Variants in KIF26B observed in about 807,000 individuals in gnomAD.
KIF26B encodes the protein kinesin-like protein KIF26B.
In KIF26B, 63 loss-of-function variants were observed where a neutral mutation model predicts 151.2. The observed-to-expected ratio is 0.42, with a 90% CI of 0.34 to 0.51. The LOEUF is 0.51. Among genes scored for constraint, KIF26B ranks in the 20% least tolerant of loss-of-function variants. KIF26B has a pLI of 0.07. For synonymous variants in KIF26B, 1,357 were observed against 1,262.1 expected (o/e 1.08, Z -1.59); for missense variants, 2,813 against 2,913.6 (o/e 0.97, Z 0.79).
At chr1:245,513,784 G>A (rs1421135259) in intron 4 of KIF26B, among the ~76,000 whole-genome samples, 1 of 152,208 alleles carries the variant, frequency 6.6e-6, no homozygotes, top group African/African-American at 2.4e-5. Flanking sequence ...CCTTGCTCAC[G>A]TTTCTTACTA....
In KIF26B at chr1:245,698,811, G is replaced by GA. The variant is rs2044729497; in HGVS notation, c.6028-75dup. The GA allele has an allele frequency of 6.6e-7, 1 of 1,522,784 alleles. No individual in the cohort carries two copies. The highest frequency in any genetic ancestry group is 8.9e-7 in the Non-Finnish European group (1 of 1,123,104). 94.3% of individuals were successfully genotyped at this position (1,522,784 alleles called of 1,614,324 possible). ...CAAGCCCAGCCTGTTTTCCATCAAC[G>GA]ATACTCACAGGTGCTCCTGTGGTGT... is the stretch of plus-strand genomic sequence containing the variant. On this transcript the variant is annotated intron_variant, in intron 13 of 14. Transcript: ENST00000407071. This position sits in a 1 kb window ranked among gnomAD's most constrained non-coding sequence, Gnocchi z 4.0.
intron 2 of KIF26B, among the ~76,000 whole-genome samples, chr1:245,288,945 TA>T (rs888937289): frequency 6.9e-6 from 1 of 145,944 alleles, no homozygotes; most frequent in African/African-American, 2.6e-5. Flanking sequence ...TGTTTTTTTT[TA>T]AATAACCTTC....
At position 245,488,938 on chromosome 1, in the gene KIF26B, G is replaced by C. The variant is rs1169542490; in HGVS notation, c.1167-51829G>C. On this transcript the variant is annotated intron_variant, in intron 4 of 14. Transcript: ENST00000407071. This position sits in a 1 kb window ranked among gnomAD's most constrained non-coding sequence, Gnocchi z 4.6. ...TTAAAGCTCCTCTAGTGACTCTTAA[G>C]CCTCAGGCTCTTTTATTTGCAAATG... Among the ~76,000 whole-genome samples, 4 of 152,152 alleles carry C rather than the reference G, an allele frequency of 2.6e-5. No homozygotes were observed. Among genetic ancestry groups the C allele is most frequent in the African/African-American group, 4.8e-5 (2 of 41,420 alleles).
intron 4 of KIF26B, among the ~76,000 whole-genome samples, chr1:245,509,291 A>AT (rs1660784373): frequency 6.6e-6 from 1 of 152,210 alleles, no homozygotes; most frequent in Admixed American, 6.5e-5. Flanking sequence ...GCCGTTCTCT[A>AT]TGTCTGGGAG....
chr1:245,379,412 C>A (rs1284315528), intron 3 of KIF26B, among the ~76,000 whole-genome samples: 1 of 151,258 alleles, frequency 6.6e-6, no homozygotes, highest in Admixed American at 6.6e-5. Context: ...ATAACCCAAA[C>A]AAGTCAAACG....
At position 245,702,091 on chromosome 1, in the gene KIF26B, T is replaced by A. The variant is rs1223971220; in HGVS notation, c.6179-367T>A. On this transcript the variant is annotated intron_variant, in intron 14 of 14. Transcript: ENST00000407071. This position sits in a 1 kb window ranked among gnomAD's most constrained non-coding sequence, Gnocchi z 4.1. ...TGAGACCCCCAAAAGGGAGGGACTC[T>A]CCCCACCTCAACTTGAATTATTTAC... Among the ~76,000 whole-genome samples, 1 of 136,790 alleles carries A rather than the reference T, an allele frequency of 7.3e-6. No individual in the cohort carries two copies. Among genetic ancestry groups the A allele is most frequent in the African/African-American group, 2.8e-5 (1 of 35,226 alleles). 89.7% of individuals were successfully genotyped at this position (136,790 alleles called of 152,430 possible). A position where few individuals can be genotyped will look rare whatever the true frequency, so the allele number is the denominator to read the frequency against.
chr1:245,316,662 T>C (rs1671782841), intron 2 of KIF26B, among the ~76,000 whole-genome samples: 1 of 152,226 alleles, frequency 6.6e-6, no homozygotes, highest in African/African-American at 2.4e-5. Context: ...CCTTGCCAGC[T>C]GTCTGCAAGC....
chr1:245,643,544 A>G (rs1335185148), intron 9 of KIF26B, among the ~76,000 whole-genome samples: 1 of 152,106 alleles, frequency 6.6e-6, no homozygotes, highest in Non-Finnish European at 1.5e-5. Context: ...TTAATTTTAC[A>G]TATGTCATCA....
intron 4 of KIF26B, among the ~76,000 whole-genome samples, chr1:245,498,037 A>G (rs547102959): frequency 6.6e-6 from 1 of 152,322 alleles, no homozygotes; most frequent in East Asian, 1.9e-4. Context: ...ATTATCATTC[A>G]TCTCAAACTC....
chr1:245,702,635 C>T lies in KIF26B; in HGVS notation c.*29C>T, dbSNP rs781085467. The stretch of plus-strand genomic sequence containing the variant: ...AGCCAGACCCTTGTCCTAGTGGTCC[C>T]CCGCTCCCCAGGACTTCAGAGATGT... On this transcript the variant is annotated 3_prime_UTR_variant, in exon 15 of 15. Transcript: ENST00000407071. The surrounding 1 kb of genome is among the most constrained non-coding windows in gnomAD (Gnocchi z 4.1). The T allele has an allele frequency of 3.1e-6, 5 of 1,605,880 alleles. No individual in the cohort carries two copies. The highest frequency in any genetic ancestry group is 4.3e-6 in the Non-Finnish European group (5 of 1,175,212).
At position 245,563,942 on chromosome 1, in the gene KIF26B, T is replaced by G. The variant is rs907439954; in HGVS notation, c.1350+22992T>G. ...TTCTCTCCCTGTCCGTGCATCCATC[T>G]GTTTCTGCACTCTCTTCGGTGCATC... On this transcript the variant is annotated intron_variant, in intron 5 of 14. Coordinates refer to ENST00000407071, the MANE Select transcript of KIF26B (RefSeq NM_018012.4). This position sits in a 1 kb window ranked among gnomAD's most constrained non-coding sequence, Gnocchi z 4.6. Among the ~76,000 whole-genome samples, 24 of 152,154 alleles carry G rather than the reference T, an allele frequency of 1.6e-4. No individual in the cohort carries two copies. Among genetic ancestry groups the G allele is most frequent in the African/African-American group, 5.8e-4 (24 of 41,430 alleles).
chr1:245,389,528 C>T (rs940157796), intron 3 of KIF26B, among the ~76,000 whole-genome samples: 2 of 152,212 alleles, frequency 1.3e-5, no homozygotes, highest in African/African-American at 4.8e-5. Context: ...CTAGAATTGG[C>T]TAATAGGGAT....
intron 2 of KIF26B, among the ~76,000 whole-genome samples, chr1:245,180,930 C>G (rs898611830): frequency 2.3e-4 from 35 of 152,162 alleles, no homozygotes; most frequent in African/African-American, 8.2e-4. Flanking sequence ...TGAACACCAA[C>G]TGCAGGATTC....
chr1:245,681,501 G>A (rs988811625), intron 10 of KIF26B, among the ~76,000 whole-genome samples: 5 of 152,046 alleles, frequency 3.3e-5, no homozygotes, highest in East Asian at 1.9e-4. Context: ...GAGCCACCGC[G>A]CCCGGCCGGT....
intron 2 of KIF26B, among the ~76,000 whole-genome samples, chr1:245,324,152 G>T (rs1377687545): frequency 6.7e-6 from 1 of 150,224 alleles, no homozygotes; most frequent in Non-Finnish European, 1.5e-5. Flanking sequence ...GGTGGAGGTG[G>T]GGTGGACCCT....
intron 9 of KIF26B, among the ~76,000 whole-genome samples, chr1:245,633,016 C>A (rs1403802097): frequency 6.6e-6 from 1 of 152,136 alleles, no homozygotes; most frequent in Non-Finnish European, 1.5e-5. Flanking sequence ...TATCTGGGTA[C>A]TCCAGTGTTG....
chr1:245,422,899 G>A (rs994535995), intron 4 of KIF26B, among the ~76,000 whole-genome samples: 1 of 152,122 alleles, frequency 6.6e-6, no homozygotes, highest in Non-Finnish European at 1.5e-5. Flanking sequence ...AGGAGTTCAA[G>A]ACCAGCCTGG....
At chr1:245,240,124 C>T (rs1670187769) in intron 2 of KIF26B, among the ~76,000 whole-genome samples, 1 of 152,024 alleles carries the variant, frequency 6.6e-6, no homozygotes, top group African/African-American at 2.4e-5. Context: ...CAGCCGAGAT[C>T]GTGCTTCCAG....
In KIF26B at chr1:245,607,466, T is replaced by C. The variant is rs141713498; in HGVS notation, c.1558-185T>C. Among the ~76,000 whole-genome samples the C allele has an allele frequency of 9.3e-4, 142 of 152,296 alleles. 6 individuals are homozygous for C. Among genetic ancestry groups the C allele is most frequent in the African/African-American group, 3.3e-3 (136 of 41,558 alleles). Reference sequence around the variant, plus strand: ...AGTGCATGTGCATAATGCTCAGGCTTGCAAAGGGCGGAAGGTCGCCAGGGG... The same window carrying C: ...AGTGCATGTGCATAATGCTCAGGCTCGCAAAGGGCGGAAGGTCGCCAGGGG... On this transcript the variant is annotated intron_variant, in intron 6 of 14. Coordinates refer to ENST00000407071, the MANE Select transcript of KIF26B (RefSeq NM_018012.4).
Sources: gnomAD v4.1 joint callset for allele counts (sites outside exome capture counted in the v4.1 genomes callset) on GRCh38, gnomAD v4.1.1 for gene constraint, Gnocchi (gnomAD v3.1) non-coding constraint, MANE v1.5 for transcripts, NCBI Gene and HGNC (gene_info 2026-07-23, HGNC 2026-07-21) for gene names.